STX8: variants seen among roughly 807,000 people sequenced by gnomAD.
STX8 encodes the protein syntaxin 8.
STX8 carries 23 observed loss-of-function variants against 37.5 expected under a neutral mutation model. That is an observed-to-expected ratio of 0.61 (90% confidence interval 0.44 to 0.87). The LOEUF is 0.87. Ranked by LOEUF, STX8 falls within the 40% of genes least tolerant of loss-of-function variation. The pLI, the probability that STX8 is intolerant of heterozygous loss-of-function variation, is 0.00. For missense variants in STX8, 313 were observed against 284.7 expected, an observed-to-expected ratio of 1.10 and a Z score of -0.71; for synonymous variants, 115 against 99.1, an observed-to-expected ratio of 1.16 and a Z score of -0.95.
At chr17:9,442,457 T>C (rs9896264) in intron 6 of STX8, among the ~76,000 whole-genome samples, 1,644 of 152,250 alleles carry the variant, frequency 0.011, 30 homozygotes, top group African/African-American at 0.035. Context: ...GAGTGCAGTG[T>C]TGCAGTCTCA....
intron 7 of STX8, among the ~76,000 whole-genome samples, chr17:9,263,854 C>T (rs544561936): frequency 3.2e-4 from 49 of 152,354 alleles, no homozygotes; most frequent in African/African-American, 1.1e-3. Context: ...TATGATGTGA[C>T]TTTGACATTG....
At chr17:9,403,238 G>T (rs953470621) in intron 6 of STX8, among the ~76,000 whole-genome samples, 6 of 152,158 alleles carry the variant, frequency 3.9e-5, no homozygotes, top group Non-Finnish European at 5.9e-5. Context: ...TTCTATCACA[G>T]GTATGGGGGA....
intron 7 of STX8, among the ~76,000 whole-genome samples, chr17:9,292,188 T>C (rs1908334842): frequency 6.6e-6 from 1 of 152,222 alleles, no homozygotes. Flanking sequence ...GGGCAATTCC[T>C]TTACACAAAG....
chr17:9,409,476 A>G (rs926381518), intron 6 of STX8, among the ~76,000 whole-genome samples: 1 of 152,170 alleles, frequency 6.6e-6, no homozygotes, highest in Non-Finnish European at 1.5e-5. Context: ...ATAGCCGCCT[A>G]TTTTATTTAA....
chr17:9,486,852 A>G (rs1222327637), intron 6 of STX8, among the ~76,000 whole-genome samples: 1 of 152,128 alleles, frequency 6.6e-6, no homozygotes, highest in African/African-American at 2.4e-5. Flanking sequence ...GAGTGAGACC[A>G]GAACCACAAC....
chr17:9,277,412 A>G (rs546534506), intron 7 of STX8, among the ~76,000 whole-genome samples: 2 of 151,462 alleles, frequency 1.3e-5, no homozygotes, highest in Non-Finnish European at 3.0e-5. Context: ...CAATGAGTGA[A>G]GGCAGGGTCT....
intron 7 of STX8, among the ~76,000 whole-genome samples, chr17:9,258,294 A>G (rs1452016850): frequency 6.6e-6 from 1 of 152,282 alleles, no homozygotes; most frequent in African/African-American, 2.4e-5. Flanking sequence ...TTTATCTTCA[A>G]AAGTTCATGT....
chr17:9,518,235 C>A (rs1403374381), intron 4 of STX8, among the ~76,000 whole-genome samples: 1 of 152,168 alleles, frequency 6.6e-6, no homozygotes, highest in African/African-American at 2.4e-5. Flanking sequence ...ACTTCTACCC[C>A]TGCACGACCA....
chr17:9,378,332 A>C (rs1168865344), intron 7 of STX8: 3 of 471,236 alleles, frequency 6.4e-6, no homozygotes, highest in Non-Finnish European at 1.2e-5. Flanking sequence ...TTAAAAACAA[A>C]AACAACAACA....
At chr17:9,263,969 C>T (rs1213938121) in intron 7 of STX8, among the ~76,000 whole-genome samples, 5 of 152,180 alleles carry the variant, frequency 3.3e-5, no homozygotes, top group Admixed American at 2.0e-4. Flanking sequence ...CTGTGACTTT[C>T]GACTCTGGGT....
chr17:9,376,092 G>T (rs1156972943), intron 7 of STX8, among the ~76,000 whole-genome samples: 2 of 152,230 alleles, frequency 1.3e-5, no homozygotes, highest in Non-Finnish European at 2.9e-5. Flanking sequence ...GATTAAGAGA[G>T]AGGTGGAAGT....
chr17:9,285,391 G>A (rs1476561705), intron 7 of STX8, among the ~76,000 whole-genome samples: 3 of 149,136 alleles, frequency 2.0e-5, no homozygotes, highest in African/African-American at 7.4e-5. Context: ...GCAGAAACCA[G>A]TGTAGAGGTC....
intron 6 of STX8, among the ~76,000 whole-genome samples, chr17:9,416,622 C>G (rs995756409): frequency 1.3e-5 from 2 of 152,166 alleles, no homozygotes; most frequent in East Asian, 3.9e-4. Flanking sequence ...CCACCTTGGC[C>G]TCCCAAAGTG....
At chr17:9,328,842 G>T (rs912586331) in intron 7 of STX8, among the ~76,000 whole-genome samples, 1 of 152,004 alleles carries the variant, frequency 6.6e-6, no homozygotes, top group Non-Finnish European at 1.5e-5. Context: ...CTGAGGACAG[G>T]AGTTCAAGAC....
chr17:9,539,047 A>C (rs1017231407), intron 4 of STX8, among the ~76,000 whole-genome samples: 2 of 152,180 alleles, frequency 1.3e-5, no homozygotes, highest in African/African-American at 4.8e-5. Flanking sequence ...AAATACCCTA[A>C]ATTAGTCAAC....
At chr17:9,350,881 T>C (rs1458493120) in intron 7 of STX8, among the ~76,000 whole-genome samples, 1 of 152,156 alleles carries the variant, frequency 6.6e-6, no homozygotes, top group Non-Finnish European at 1.5e-5. Context: ...GGATGAGATA[T>C]AAAAGTGCTG....
chr17:9,394,513 C>T (rs887164320), intron 6 of STX8, among the ~76,000 whole-genome samples: 38 of 151,456 alleles, frequency 2.5e-4, no homozygotes, highest in African/African-American at 5.8e-4. Context: ...TACAGGCGCC[C>T]GCCACCATGC....
At chr17:9,299,934 A>G (rs551533622) in intron 7 of STX8, among the ~76,000 whole-genome samples, 1 of 152,296 alleles carries the variant, frequency 6.6e-6, no homozygotes, top group Non-Finnish European at 1.5e-5. Context: ...GAGAGCTTTA[A>G]GTTGTTATCT....
intron 5 of STX8, among the ~76,000 whole-genome samples, chr17:9,500,768 C>T (rs1184314939): frequency 6.6e-6 from 1 of 152,100 alleles, no homozygotes; most frequent in East Asian, 1.9e-4. Flanking sequence ...TTTGGGAGGC[C>T]GAGGCGGGCA....
Sources: allele counts gnomAD v4.1 joint callset (sites outside exome capture counted in the v4.1 genomes callset), GRCh38; gene constraint gnomAD v4.1.1; transcripts MANE v1.5; gene names NCBI Gene and HGNC (gene_info 2026-07-23, HGNC 2026-07-21).